Variants in GALNT17 observed in about 807,000 individuals in gnomAD.
GALNT17 encodes UDP-GalNAc:polypeptide N-acetylgalactosaminyltransferase-like 3.
Under a neutral mutation model 63.7 loss-of-function variants are expected in GALNT17, and 29 were observed. The ratio of observed to expected loss-of-function variants is 0.46; its 90% CI spans 0.34 to 0.62. The LOEUF is 0.62. GALNT17 is among the 20% of genes least tolerant of loss of function. The probability of loss-of-function intolerance (pLI) is 0.01; values close to 1 mark genes in which losing one functional copy is unlikely to be tolerated. For synonymous variants in GALNT17, 305 were observed against 318.3 expected (o/e 0.96, Z 0.45); for missense variants, 603 against 799.6 (o/e 0.75, Z 2.97).
intron 1 of GALNT17, among the ~76,000 whole-genome samples, chr7:71,266,393 T>G (rs1424732644): frequency 6.6e-6 from 1 of 152,138 alleles, no homozygotes; most frequent in Non-Finnish European, 1.5e-5. Context: ...GAGATCTGGT[T>G]GTTTGAAAGC....
At chr7:71,323,490 T>C (rs1464389339) in intron 1 of GALNT17, among the ~76,000 whole-genome samples, 1 of 152,216 alleles carries the variant, frequency 6.6e-6, no homozygotes, top group Non-Finnish European at 1.5e-5. Context: ...ACAATTGAAC[T>C]CTTAAAATTT....
At chr7:71,593,636 T>G (rs904443253) in intron 6 of GALNT17, among the ~76,000 whole-genome samples, 2 of 152,204 alleles carry the variant, frequency 1.3e-5, no homozygotes, top group Non-Finnish European at 2.9e-5. Context: ...TGGGAACTTC[T>G]TCAATGGAGA....
At chr7:71,343,065 G>C (rs1792033351) in intron 2 of GALNT17, among the ~76,000 whole-genome samples, 1 of 152,198 alleles carries the variant, frequency 6.6e-6, no homozygotes, top group Non-Finnish European at 1.5e-5. Context: ...TAACCAGAGA[G>C]ACTGTTGTAA....
At chr7:71,219,577 A>G (rs924432037) in intron 1 of GALNT17, among the ~76,000 whole-genome samples, 16 of 151,948 alleles carry the variant, frequency 1.1e-4, no homozygotes, top group Non-Finnish European at 2.1e-4. Context: ...ATTTTTTGTT[A>G]TATTTAATTT....
At chr7:71,297,808 C>T (rs1401712617) in intron 1 of GALNT17, among the ~76,000 whole-genome samples, 1 of 152,156 alleles carries the variant, frequency 6.6e-6, no homozygotes, top group East Asian at 1.9e-4. Context: ...GAACAAGTAT[C>T]TTGTAGAATA....
chr7:71,326,371 A>AT (rs1461874031), intron 1 of GALNT17, among the ~76,000 whole-genome samples: 2 of 152,086 alleles, frequency 1.3e-5, no homozygotes, highest in Non-Finnish European at 2.9e-5. Context: ...AAAAAGGAAG[A>AT]TCCCTCGAGC....
At chr7:71,209,257 G>A (rs1031137137) in intron 1 of GALNT17, among the ~76,000 whole-genome samples, 2 of 152,198 alleles carry the variant, frequency 1.3e-5, no homozygotes, top group South Asian at 2.1e-4. Context: ...TTTGGACCAC[G>A]GTTTAGCAGT....
rs374225962 is a variant in GALNT17, at chr7:71,450,171, T to C, written c.962+29066T>C. On this transcript the variant is annotated intron_variant, in intron 5 of 10. Transcript: ENST00000333538. ...TTTTTTTTTTGAGACAGTCTTTCTCTGTCGCCCAGGATGGAGTGCAGTCGC... is the reference window on the plus strand; with the variant it reads ...TTTTTTTTTTGAGACAGTCTTTCTCCGTCGCCCAGGATGGAGTGCAGTCGC... Among the ~76,000 whole-genome samples the C allele has an allele frequency of 8.7e-5, 13 of 149,908 alleles. No individual in the cohort carries two copies. The East Asian group carries it at 1.8e-3, about 21-fold the overall frequency.
At chr7:71,361,507 T>C (rs1315245285) in intron 2 of GALNT17, among the ~76,000 whole-genome samples, 1 of 152,122 alleles carries the variant, frequency 6.6e-6, no homozygotes, top group Admixed American at 6.5e-5. Flanking sequence ...CAAATACCTA[T>C]TGTATATTTA....
chr7:71,602,991 A>G (rs1472766555), intron 6 of GALNT17, among the ~76,000 whole-genome samples: 3 of 152,174 alleles, frequency 2.0e-5, no homozygotes, highest in African/African-American at 2.4e-5. Flanking sequence ...ACCAGGTCCT[A>G]TGCTAAGTGC....
chr7:71,144,473 A>T (rs1787977584), intron 1 of GALNT17, among the ~76,000 whole-genome samples: 2 of 152,170 alleles, frequency 1.3e-5, no homozygotes, highest in South Asian at 4.1e-4. Flanking sequence ...GGCAGCTTAG[A>T]TGCTAAGAGT....
At position 71,132,355 on chromosome 7, in the gene GALNT17, C is replaced by CG. The variant is rs1787695118; in HGVS notation, c.-447dup. On this transcript the variant is annotated 5_prime_UTR_variant, in exon 1 of 11. Coordinates refer to ENST00000333538, the MANE Select transcript of GALNT17 (RefSeq NM_022479.3). ...CGGCCCCAGGCGCGGCGCGCTCCGC[C>CG]GTGGGCGGGCGGCGATCCCTGAGTC... is the stretch of plus-strand genomic sequence containing the variant. The CG allele has an allele frequency of 1.3e-5, 2 of 152,184 alleles. No homozygotes were observed. The highest frequency in any genetic ancestry group is 1.3e-4 in the Admixed American group (2 of 15,240). The allele number at this position is 152,184 out of a possible 1,614,324, so 9.4% of individuals were successfully genotyped here. A position where few individuals can be genotyped will look rare whatever the true frequency, so the allele number is the denominator to read the frequency against.
At chr7:71,376,776 G>T (rs950680533) in intron 2 of GALNT17, among the ~76,000 whole-genome samples, 1 of 151,388 alleles carries the variant, frequency 6.6e-6, no homozygotes, top group African/African-American at 2.4e-5. Context: ...ACTTAGCAAT[G>T]CCCCATCTCT....
At chr7:71,302,797 C>T (rs760947757) in intron 1 of GALNT17, among the ~76,000 whole-genome samples, 5 of 152,124 alleles carry the variant, frequency 3.3e-5, no homozygotes, top group East Asian at 1.9e-4. Context: ...TTATTAGGAA[C>T]GGCAATTTTT....
At position 71,700,244 on chromosome 7, in the gene GALNT17, G is replaced by A. The variant is rs548451057; in HGVS notation, c.1501-10517G>A. Among the ~76,000 whole-genome samples the A allele has an allele frequency of 7.3e-5, 11 of 151,500 alleles. No homozygotes were observed. The East Asian group carries it at 2.1e-3, about 29-fold the overall frequency. On this transcript the variant is annotated intron_variant, in intron 9 of 10. Transcript: ENST00000333538. ...AATCACTTGAGCCCAGGTGGCGGAG[G>A]TTGCAGTGAGCCGAGATCACGCCAC...
At chr7:71,285,085 T>C (rs546220074) in intron 1 of GALNT17, among the ~76,000 whole-genome samples, 17 of 152,280 alleles carry the variant, frequency 1.1e-4, no homozygotes, top group African/African-American at 3.8e-4. Context: ...AAAGAAATCA[T>C]AACAAATTGC....
At chr7:71,323,098 T>G (rs1791645513) in intron 1 of GALNT17, among the ~76,000 whole-genome samples, 1 of 151,944 alleles carries the variant, frequency 6.6e-6, no homozygotes, top group Non-Finnish European at 1.5e-5. Context: ...TATTTGAAAA[T>G]TACATGATAA....
At chr7:71,609,481 A>C (rs1352461313) in intron 6 of GALNT17, among the ~76,000 whole-genome samples, 4 of 152,256 alleles carry the variant, frequency 2.6e-5, no homozygotes, top group Non-Finnish European at 5.9e-5. Flanking sequence ...CTTAACTCAC[A>C]GCAAACTGAG....
chr7:71,322,779 T>C, intron 1 of GALNT17, among the ~76,000 whole-genome samples: 1 of 152,170 alleles, frequency 6.6e-6, no homozygotes, highest in East Asian at 1.9e-4. Flanking sequence ...TCTCCCTCTC[T>C]CTGTCATGTG....
Sources: allele counts gnomAD v4.1 joint callset (sites outside exome capture counted in the v4.1 genomes callset), GRCh38; gene constraint gnomAD v4.1.1; transcripts MANE v1.5; gene names NCBI Gene and HGNC (gene_info 2026-07-23, HGNC 2026-07-21).